WDR7: variants seen among roughly 807,000 people sequenced by gnomAD.
WDR7 encodes WD repeat domain 7.
WDR7 carries 46 observed loss-of-function variants against 169.4 expected under a neutral mutation model. The ratio of observed to expected loss-of-function variants is 0.27; its 90% CI spans 0.21 to 0.35. WDR7 has a LOEUF of 0.35. Among genes scored for constraint, WDR7 ranks in the 10% least tolerant of loss-of-function variants. The probability of loss-of-function intolerance (pLI) is 1.00; values close to 1 mark genes in which losing one functional copy is unlikely to be tolerated. For missense variants in WDR7, 1,534 were observed against 1,859.3 expected (o/e 0.83, Z 3.22); for synonymous variants, 612 against 666.8 (o/e 0.92, Z 1.27).
intron 18 of WDR7, among the ~76,000 whole-genome samples, chr18:56,780,756 C>T (rs1252061685): frequency 1.3e-5 from 2 of 152,126 alleles, no homozygotes; most frequent in East Asian, 1.9e-4. Flanking sequence ...GCCGAGATCA[C>T]GCCATGGCAC....
At chr18:56,655,477 T>C (rs1040895926) in intron 1 of WDR7, among the ~76,000 whole-genome samples, 5 of 151,940 alleles carry the variant, frequency 3.3e-5, no homozygotes, top group Admixed American at 2.0e-4. Context: ...AAAATTAGTC[T>C]GGTGTGGTTG....
chr18:56,992,760 A>G (rs1270683691), intron 26 of WDR7, among the ~76,000 whole-genome samples: 16 of 152,214 alleles, frequency 1.1e-4, no homozygotes. Flanking sequence ...TGACTTCTCT[A>G]AGCCAATCCA....
chr18:56,690,583 G>C (rs188039184), intron 7 of WDR7, among the ~76,000 whole-genome samples: 313 of 152,240 alleles, frequency 2.1e-3, no homozygotes, highest in African/African-American at 7.2e-3. Flanking sequence ...AGGAGGCCAG[G>C]GTGGGAGGAT....
At chr18:56,666,048 C>G (rs546239066) in intron 1 of WDR7, among the ~76,000 whole-genome samples, 23 of 152,030 alleles carry the variant, frequency 1.5e-4, no homozygotes, top group Non-Finnish European at 2.5e-4. Context: ...GACAAGCCAT[C>G]TCTCTTGGGC....
chr18:56,805,907 T>G (rs1234993201), intron 19 of WDR7, among the ~76,000 whole-genome samples: 2 of 152,160 alleles, frequency 1.3e-5, no homozygotes, highest in Non-Finnish European at 2.9e-5. Context: ...GCCTACCTCT[T>G]CTCACACTGT....
chr18:56,743,850 T>G (rs773437552), intron 14 of WDR7, among the ~76,000 whole-genome samples: 14 of 152,080 alleles, frequency 9.2e-5, no homozygotes, highest in Non-Finnish European at 2.1e-4. Flanking sequence ...TTGATGAAGC[T>G]AGGTTTCCAG....
chr18:56,722,178 CAG>C (rs2026337047), intron 13 of WDR7, among the ~76,000 whole-genome samples: 1 of 152,170 alleles, frequency 6.6e-6, no homozygotes, highest in African/African-American at 2.4e-5. Context: ...GCATGTGTTT[CAG>C]GGGCTCAGAT....
chr18:56,942,485 CAGTA>C (rs2047047568), intron 25 of WDR7, among the ~76,000 whole-genome samples: 1 of 152,088 alleles, frequency 6.6e-6, no homozygotes, highest in East Asian at 1.9e-4. Context: ...TAAAGAAAAA[CAGTA>C]AGAAAAAGAA....
intron 21 of WDR7, among the ~76,000 whole-genome samples, chr18:56,885,826 CAAAA>C (rs1191655744): frequency 7.6e-4 from 58 of 76,590 alleles, no homozygotes; most frequent in African/African-American, 2.0e-3. Flanking sequence ...GACTCTGTCT[CAAAA>C]AAAAAAAAAA....
intron 26 of WDR7, among the ~76,000 whole-genome samples, chr18:56,967,832 A>G (rs569711816): frequency 1.1e-4 from 17 of 152,304 alleles, no homozygotes; most frequent in Middle Eastern, 3.4e-3. Context: ...CCTCTCATAT[A>G]CTTTAAATCA....
intron 13 of WDR7, chr18:56,721,800 A>G (rs1380363850): frequency 1.3e-5 from 2 of 152,206 alleles, no homozygotes; most frequent in East Asian, 3.8e-4. Context: ...CCAAGCCTAA[A>G]CCACATTCTC....
chr18:56,664,078 A>T (rs1417440164), intron 1 of WDR7, among the ~76,000 whole-genome samples: 2 of 152,164 alleles, frequency 1.3e-5, no homozygotes, highest in African/African-American at 2.4e-5. Context: ...AGATAATTGG[A>T]CTTAGGAAGA....
intron 19 of WDR7, among the ~76,000 whole-genome samples, chr18:56,793,765 A>G (rs1468272184): frequency 1.3e-5 from 2 of 152,242 alleles, no homozygotes; most frequent in Non-Finnish European, 2.9e-5. Context: ...TAACAGAGAC[A>G]TATTCCTCTT....
intron 13 of WDR7, among the ~76,000 whole-genome samples, chr18:56,724,728 G>A (rs1430931704): frequency 6.6e-6 from 1 of 151,694 alleles, no homozygotes; most frequent in African/African-American, 2.4e-5. Context: ...GTATACATGT[G>A]CCATGTTGGT....
chr18:56,714,444 C>CT (rs1192341254), intron 12 of WDR7, among the ~76,000 whole-genome samples: 5,210 of 130,198 alleles, frequency 0.04, 244 homozygotes, highest in African/African-American at 0.11. Context: ...TTGGACGAAA[C>CT]TTTTTTTTTT....
intron 16 of WDR7, among the ~76,000 whole-genome samples, chr18:56,765,508 C>T (rs2144989364): frequency 6.6e-6 from 1 of 151,822 alleles, no homozygotes; most frequent in South Asian, 2.1e-4. Context: ...AATGTTAAAC[C>T]TTATAATATT....
intron 17 of WDR7, 60 bp from the exon 18 acceptor site, chr18:56,779,371 T>A: frequency 7.4e-7 from 1 of 1,349,864 alleles, no homozygotes; most frequent in Non-Finnish European, 1.0e-6. Flanking sequence ...CATAAAGAAC[T>A]GTTGACTTAG....
At chr18:57,022,949 A>C (rs540448838) in intron 27 of WDR7, among the ~76,000 whole-genome samples, 2 of 152,116 alleles carry the variant, frequency 1.3e-5, no homozygotes, top group Non-Finnish European at 1.5e-5. Context: ...AAGCTCACCT[A>C]CTCCAAGGGC....
chr18:56,850,677 C>T (rs1337165519), intron 20 of WDR7, among the ~76,000 whole-genome samples: 1 of 151,980 alleles, frequency 6.6e-6, no homozygotes, highest in Non-Finnish European at 1.5e-5. Flanking sequence ...ACTTGACTAA[C>T]TTTTTTATTA....
Sources: gnomAD v4.1 joint callset for allele counts (sites outside exome capture counted in the v4.1 genomes callset) on GRCh38, gnomAD v4.1.1 for gene constraint, MANE v1.5 for transcripts, NCBI Gene and HGNC (gene_info 2026-07-23, HGNC 2026-07-21) for gene names.